The following FGD4 variants were observed in gnomAD, a reference collection of about 807,000 sequenced individuals.
FGD4 encodes the protein FYVE, RhoGEF and PH domain-containing protein 4.
A neutral mutation model predicts 102.0 loss-of-function variants in FGD4; 42 were observed. The observed-to-expected ratio is 0.41, with a 90% CI of 0.32 to 0.53. The LOEUF is 0.53. Ranked by LOEUF, FGD4 falls within the 20% of genes least tolerant of loss-of-function variation. The probability of loss-of-function intolerance (pLI) is 0.21; values close to 1 mark genes in which losing one functional copy is unlikely to be tolerated. For synonymous variants in FGD4, 380 were observed against 375.7 expected (o/e 1.01, Z -0.13); for missense variants, 902 against 1,078.2 (o/e 0.84, Z 2.29).
rs1159912334 is a variant in FGD4 at position 32,582,282 on chromosome 12, C to G, written c.826C>G (p.Pro276Ala). The change falls in exon 4 of 17, where the codon CCT becomes GCT. Residue 276 changes from proline to alanine, a missense_variant. Physicochemically the swap from Pro to Ala is conservative, Grantham distance 27. This residue lies in a region of FGD4 where 443 missense variants were observed against 459.2 expected (regional missense o/e 0.96). Transcript: ENST00000534526. ...NGERDETATA[P>A]ASPTTDSCDG... ...AGAAAGAGATGAAACTGCCACAGCTCCTGCATCACCCACAACAGACAGCTG... is the reference window on the plus strand; with the variant it reads ...AGAAAGAGATGAAACTGCCACAGCTGCTGCATCACCCACAACAGACAGCTG... 2.5e-6 allele frequency: 4 copies of G among 1,614,076 alleles called. No homozygotes were observed. The highest frequency in any genetic ancestry group is 2.5e-6 in the Non-Finnish European group (3 of 1,180,044).
intron 11 of FGD4, among the ~76,000 whole-genome samples, chr12:32,620,480 C>G (rs1217319083): frequency 6.9e-6 from 1 of 145,224 alleles, no homozygotes; most frequent in Non-Finnish European, 1.5e-5. Context: ...GTTTGGAGTT[C>G]TGGCTAACAT....
chr12:32,560,838 G>A (rs1027043286), intron 1 of FGD4, among the ~76,000 whole-genome samples: 15 of 151,710 alleles, frequency 9.9e-5, no homozygotes, highest in African/African-American at 2.7e-4. Flanking sequence ...GACCACAAGC[G>A]CGCACCACCA....
rs1198540797 is a variant in FGD4 at position 32,506,054 on chromosome 12, G to T, written c.167-58083G>T. ...ACCTGAGGCCCATAAAGATTAAGCA[G>T]CTTTTCCAAGGTCAGGAAACCTGTG... On this transcript the variant is annotated intron_variant, in intron 1 of 16. Transcript: ENST00000534526. This position sits in a 1 kb window ranked among gnomAD's most constrained non-coding sequence, Gnocchi z 4.5. Among the ~76,000 whole-genome samples the T allele has an allele frequency of 1.3e-5, 2 of 152,170 alleles. No homozygotes were observed. Among genetic ancestry groups the T allele is most frequent in the African/African-American group, 4.8e-5 (2 of 41,428 alleles).
chr12:32,470,741 G>A (rs897214569), intron 1 of FGD4, among the ~76,000 whole-genome samples: 4 of 152,034 alleles, frequency 2.6e-5, no homozygotes, highest in Non-Finnish European at 4.4e-5. Context: ...GGCGTGAGCC[G>A]CTGCGCCCGG....
intron 1 of FGD4, among the ~76,000 whole-genome samples, chr12:32,531,771 G>A (rs1375715467): frequency 1.3e-5 from 2 of 152,172 alleles, no homozygotes; most frequent in Non-Finnish European, 2.9e-5. Flanking sequence ...CTTAGGTTAA[G>A]TACCTAAGAG....
At chr12:32,528,122 A>G (rs1456385755) in intron 1 of FGD4, among the ~76,000 whole-genome samples, 1 of 151,990 alleles carries the variant, frequency 6.6e-6, no homozygotes, top group Non-Finnish European at 1.5e-5. Flanking sequence ...TATTTTTAGT[A>G]GAGAGGGTTT....
chr12:32,469,224 A>G (rs1199543672), intron 1 of FGD4, among the ~76,000 whole-genome samples: 1 of 152,054 alleles, frequency 6.6e-6, no homozygotes, highest in African/African-American at 2.4e-5. Flanking sequence ...TTGTTTTTTT[A>G]TTTATATATA....
chr12:32,614,344 A>G (rs902076479), intron 10 of FGD4, among the ~76,000 whole-genome samples: 3 of 152,178 alleles, frequency 2.0e-5, no homozygotes, highest in Admixed American at 1.3e-4. Flanking sequence ...TGAAGACAAA[A>G]CACAATCAGA....
In FGD4 at chr12:32,412,064, A is replaced by G. The variant is rs117129104; in HGVS notation, c.166+12105A>G. Reference sequence around the variant, plus strand: ...CACAGAATGATTGCCCAGTATCCCAATGGGGCCCAAATACTTACATAATCT... The same window carrying G: ...CACAGAATGATTGCCCAGTATCCCAGTGGGGCCCAAATACTTACATAATCT... On this transcript the variant is annotated intron_variant, in intron 1 of 16. Coordinates refer to ENST00000534526, the MANE Select transcript of FGD4 (RefSeq NM_001370298.3). 7.7e-3 allele frequency among the ~76,000 whole-genome samples: 1,169 copies of G among 152,342 alleles called. 8 individuals are homozygous for G. Among genetic ancestry groups the G allele is most frequent in the African/African-American group, 0.025 (1,041 of 41,592 alleles).
At chr12:32,438,052 C>T (rs748748932) in intron 1 of FGD4, among the ~76,000 whole-genome samples, 5 of 152,120 alleles carry the variant, frequency 3.3e-5, no homozygotes, top group African/African-American at 7.2e-5. Flanking sequence ...CCATCATGTC[C>T]GGGTAATTTC....
intron 1 of FGD4, among the ~76,000 whole-genome samples, chr12:32,510,800 A>G (rs116357070): frequency 5.2e-4 from 79 of 152,374 alleles, no homozygotes; most frequent in African/African-American, 1.9e-3. Context: ...AGATTCATCT[A>G]TCAGGTACGT....
At chr12:32,418,605 T>G (rs895132297) in intron 1 of FGD4, among the ~76,000 whole-genome samples, 2 of 152,022 alleles carry the variant, frequency 1.3e-5, no homozygotes, top group Admixed American at 6.5e-5. Flanking sequence ...CCTTGGGGGG[T>G]GGGGTGTCAC....
intron 1 of FGD4, among the ~76,000 whole-genome samples, chr12:32,434,896 ATTTCT>A (rs1246339456): frequency 6.6e-6 from 1 of 151,992 alleles, no homozygotes; most frequent in Non-Finnish European, 1.5e-5. Context: ...AATGATACAA[ATTTCT>A]TTTCTGAGAG....
intron 1 of FGD4, among the ~76,000 whole-genome samples, chr12:32,520,165 A>C (rs1194578813): frequency 6.6e-6 from 1 of 152,174 alleles, no homozygotes; most frequent in Admixed American, 6.5e-5. Context: ...AGGACGATGA[A>C]TCTCTCTTCA....
intron 1 of FGD4, among the ~76,000 whole-genome samples, chr12:32,545,931 T>G (rs1943194418): frequency 6.6e-6 from 1 of 152,242 alleles, no homozygotes; most frequent in South Asian, 2.1e-4. Flanking sequence ...AGATCTGAAT[T>G]TGCTCTAGGG....
chr12:32,642,801 C>T lies in FGD4; in HGVS notation c.*2268C>T, dbSNP rs946284860. ...AGCAGTGAAACAGCCTTACCCGCTT[C>T]TCTCTTATTAAAGAATCACTGATGT... On this transcript the variant is annotated 3_prime_UTR_variant, in exon 17 of 17. Transcript: ENST00000534526. The T allele has an allele frequency of 1.0e-4, 16 of 152,384 alleles. No individual in the cohort carries two copies. Among genetic ancestry groups the T allele is most frequent in the African/African-American group, 3.9e-4 (16 of 41,430 alleles). 9.4% of individuals were successfully genotyped at this position (152,384 alleles called of 1,614,324 possible). A position where few individuals can be genotyped will look rare whatever the true frequency, so the allele number is the denominator to read the frequency against.
intron 1 of FGD4, among the ~76,000 whole-genome samples, chr12:32,473,418 G>A (rs113966287): frequency 6.6e-6 from 1 of 152,034 alleles, no homozygotes; most frequent in East Asian, 1.9e-4. Context: ...CTGGGGGGAA[G>A]GAACAACTCC....
intron 5 of FGD4, among the ~76,000 whole-genome samples, chr12:32,599,750 A>G (rs938077512): frequency 1.3e-5 from 2 of 151,204 alleles, no homozygotes; most frequent in African/African-American, 2.4e-5. Context: ...GGGTTTCACC[A>G]TGTTGGCCAG....
rs556430746 is a variant in FGD4, at chr12:32,621,834, G to T, written c.1922+1964G>T. On this transcript the variant is annotated intron_variant, in intron 11 of 16. Coordinates refer to ENST00000534526, the MANE Select transcript of FGD4 (RefSeq NM_001370298.3). ...GATGCTCTGCTGAAGGCTCTTGACT[G>T]AGTCCTCACTCAGTGGTTGATTTAC... 9.5e-4 allele frequency among the ~76,000 whole-genome samples: 145 copies of T among 152,196 alleles called. 1 individual carries two copies. The highest frequency in any genetic ancestry group is 3.5e-3 in the South Asian group (17 of 4,830).
Sources: gnomAD v4.1 joint callset for allele counts (sites outside exome capture counted in the v4.1 genomes callset) on GRCh38, gnomAD v4.1.1 for gene constraint, gnomAD v4.1.1 regional missense constraint, Gnocchi (gnomAD v3.1) non-coding constraint, MANE v1.5 for transcripts, NCBI Gene and HGNC (gene_info 2026-07-23, HGNC 2026-07-21) for gene names.